Variants in IL17RB observed in about 807,000 individuals in gnomAD.
The protein encoded by IL17RB is interleukin-17 receptor B.
IL17RB carries 36 observed loss-of-function variants against 43.9 expected under a neutral mutation model. The ratio of observed to expected loss-of-function variants is 0.82; its 90% CI spans 0.63 to 1.08. IL17RB has a LOEUF of 1.08. IL17RB is among the 50% of genes least tolerant of loss of function. The probability of loss-of-function intolerance (pLI) is 0.00; values close to 1 mark genes in which losing one functional copy is unlikely to be tolerated. For missense variants in IL17RB, 613 were observed against 613.6 expected (o/e 1.00, Z 0.01); for synonymous variants, 225 against 225.4 (o/e 1.00, Z 0.02).
chr3:53,853,045 G>C (rs753451773), intron 5 of IL17RB, 48 bp downstream of exon 5: 8 of 1,610,468 alleles, frequency 5.0e-6, no homozygotes, highest in East Asian at 4.5e-5. Flanking sequence ...TGGGATGCCT[G>C]CTTTGCGATA....
intron 4 of IL17RB, 85 bp from the exon 5 acceptor site, chr3:53,852,786 C>A: frequency 7.4e-7 from 1 of 1,345,098 alleles, no homozygotes; most frequent in Non-Finnish European, 1.0e-6. Context: ...TAATGAAATA[C>A]AAACTAAAAG....
chr3:53,858,436 G>C (rs1576840606), intron 8 of IL17RB: 2 of 1,187,464 alleles, frequency 1.7e-6, no homozygotes, highest in Non-Finnish European at 2.1e-6. Context: ...TGTCTACGTG[G>C]TAAGATATGA....
In IL17RB at chr3:53,849,687, C is replaced by T; in HGVS notation, c.118C>T (p.Leu40=). 15 of 1,612,640 alleles carry T rather than the reference C, an allele frequency of 9.3e-6. No homozygotes were observed. Among genetic ancestry groups the T allele is most frequent in the Non-Finnish European group, 1.3e-5 (15 of 1,179,336 alleles). Residue 40 remains leucine, a synonymous_variant, in exon 3 of 11, where the codon CTA becomes TTA. Transcript: ENST00000288167. ...PSPEWMLQHD[L]IPGDLRDLRV... The stretch of plus-strand genomic sequence containing the variant: ...TCCAGAGTGGATGCTACAACATGAT[C>T]TAATCCCCGGAGACTTGAGGGACCT...
At chr3:53,854,724 C>T (rs1317227499) in intron 5 of IL17RB, among the ~76,000 whole-genome samples, 5 of 152,204 alleles carry the variant, frequency 3.3e-5, no homozygotes. Flanking sequence ...TTTTTGGAAA[C>T]AAGTCACTAA....
Position 53,865,155 on chromosome 3 carries a change from T to A in IL17RB, c.1356T>A (p.Asp452Glu). The A allele has an allele frequency of 6.2e-7, 1 of 1,614,184 alleles. No homozygotes were observed. The highest frequency in any genetic ancestry group is 8.5e-7 in the Non-Finnish European group (1 of 1,180,038). Residue 452 changes from aspartate to glutamate, a missense_variant, in exon 11 of 11, where the codon GAT becomes GAA. Coordinates refer to ENST00000288167, the MANE Select transcript of IL17RB (RefSeq NM_018725.4). ...KYVVVYFREI[D>E]TKDDYNALSV... ...TGGTGGTCTACTTTAGAGAGATTGA[T>A]ACAAAAGACGATTACAATGCTCTCA...
At chr3:53,847,206 C>G (rs1440288453) in intron 1 of IL17RB, among the ~76,000 whole-genome samples, 1 of 152,174 alleles carries the variant, frequency 6.6e-6, no homozygotes, top group African/African-American at 2.4e-5. Flanking sequence ...TGAAATGATA[C>G]CGCTGCCCTC....
At chr3:53,863,420 A>G (rs1699642273) in intron 10 of IL17RB, among the ~76,000 whole-genome samples, 1 of 152,200 alleles carries the variant, frequency 6.6e-6, no homozygotes, top group Non-Finnish European at 1.5e-5. Context: ...TCTTCTCCAT[A>G]TGTAGGAAAG....
chr3:53,857,104 A>C, intron 7 of IL17RB, 118 bp downstream of exon 7: 1 of 1,067,970 alleles, frequency 9.4e-7, no homozygotes, highest in Non-Finnish European at 1.4e-6. Context: ...CAACAGATAA[A>C]AACAAGTCCC....
In IL17RB at chr3:53,857,704, A is replaced by G. The variant is rs1699394940; in HGVS notation, c.747+14A>G. 3 of 1,608,970 alleles carry G rather than the reference A, an allele frequency of 1.9e-6. No individual in the cohort carries two copies. The highest frequency in any genetic ancestry group is 2.6e-6 in the Non-Finnish European group (3 of 1,175,294). The stretch of plus-strand genomic sequence containing the variant: ...GCTACGGTGCAGGTAAAGTTCAGTG[A>G]GCTGCTCTGGGGAGGGAAGGGACAT... On this transcript the variant is annotated intron_variant, in intron 8 of 10. Coordinates refer to ENST00000288167, the MANE Select transcript of IL17RB (RefSeq NM_018725.4).
chr3:53,856,832 C>CTCAACTCACAGGA lies in IL17RB; in HGVS notation c.530-11_531dup. 6.2e-7 allele frequency: 1 copy of CTCAACTCACAGGA among 1,613,950 alleles called. No homozygotes were observed. On this transcript the variant is annotated splice_polypyrimidine_tract_variant and intron_variant, in intron 6 of 10. Coordinates refer to ENST00000288167, the MANE Select transcript of IL17RB (RefSeq NM_018725.4). ...AGCAAGTTCATCTACATGGTTCTCT[C>CTCAACTCACAGGA]TCAACTCACAGGAAGCCTGTGGGAT...
At position 53,858,735 on chromosome 3, in the gene IL17RB, C is replaced by T; in HGVS notation, c.764C>T (p.Pro255Leu). 1 of 1,614,066 alleles carries T rather than the reference C, an allele frequency of 6.2e-7. No individual in the cohort carries two copies. Among genetic ancestry groups the T allele is most frequent in the Non-Finnish European group, 8.5e-7 (1 of 1,179,988 alleles). ...TTTCCTCAGCTGACTCCATATTTTC[C>T]TACTTGTGGCAGCGACTGCATCCGA... ...GATVQLTPYF[P>L]TCGSDCIRHK... Residue 255 changes from proline to leucine, a missense_variant, in exon 9 of 11, where the codon CCT becomes CTT. Transcript: ENST00000288167.
At chr3:53,857,569 G>A (rs771665024) in intron 7 of IL17RB, 47 bp from the exon 8 acceptor site, 2 of 1,555,550 alleles carry the variant, frequency 1.3e-6, no homozygotes, top group Middle Eastern at 1.7e-4. Context: ...ACAGGGGTGA[G>A]CCAGTGCACC....
intron 3 of IL17RB, among the ~76,000 whole-genome samples, chr3:53,851,588 A>G (rs546671546): frequency 1.1e-4 from 17 of 152,294 alleles, no homozygotes; most frequent in South Asian, 8.3e-4. Context: ...TAAAGGTGCA[A>G]TCGGAACAGG....
chr3:53,856,284 C>T (rs1699330019), intron 6 of IL17RB, among the ~76,000 whole-genome samples: 1 of 152,208 alleles, frequency 6.6e-6, no homozygotes, highest in African/African-American at 2.4e-5. Context: ...ATTTGCAAGT[C>T]ACATGAATGA....
At chr3:53,858,658 C>T (rs911494719) in intron 8 of IL17RB, 61 bp from the exon 9 acceptor site, 1 of 1,591,434 alleles carries the variant, frequency 6.3e-7, no homozygotes, top group Admixed American at 1.7e-5. Flanking sequence ...AAGTAGGAGT[C>T]TTGGTGAGAT....
chr3:53,852,170 C>T, intron 4 of IL17RB, 44 bp downstream of exon 4: 2 of 1,573,640 alleles, frequency 1.3e-6, no homozygotes, highest in Non-Finnish European at 1.7e-6. Context: ...GAGATAGCAT[C>T]TTGTTCTGTC....
intron 4 of IL17RB, among the ~76,000 whole-genome samples, chr3:53,852,660 T>C (rs970689550): frequency 6.6e-6 from 1 of 152,214 alleles, no homozygotes; most frequent in African/African-American, 2.4e-5. Context: ...TGGAAGAGAA[T>C]TGGACTTAAA....
At chr3:53,846,812 G>A (rs1698921041) in intron 1 of IL17RB, among the ~76,000 whole-genome samples, 164 bp downstream of exon 1, 1 of 152,254 alleles carries the variant, frequency 6.6e-6, no homozygotes, top group Non-Finnish European at 1.5e-5. Context: ...GCGTCAGGTT[G>A]CTTGAGTCAG....
Position 53,848,649 on chromosome 3 carries a change from T to TC in IL17RB, c.61-15_61-14insC. 1 of 1,612,576 alleles carries TC rather than the reference T, an allele frequency of 6.2e-7. No homozygotes were observed. On this transcript the variant is annotated splice_polypyrimidine_tract_variant and intron_variant, in intron 1 of 10. Transcript: ENST00000288167. ...GCCGGCTTCAACGTGACGCTTGGTT[T>TC]TTTCTCTCCCACAGACCGTTCAATG...
Sources: gnomAD v4.1 joint callset for allele counts (sites outside exome capture counted in the v4.1 genomes callset) on GRCh38, gnomAD v4.1.1 for gene constraint, MANE v1.5 for transcripts, NCBI Gene and HGNC (gene_info 2026-07-23, HGNC 2026-07-21) for gene names.